Variants in CAMK1D observed in about 807,000 individuals in gnomAD.
The protein encoded by CAMK1D is calcium/calmodulin dependent protein kinase ID, also known as calcium/calmodulin-dependent protein kinase type 1D.
In CAMK1D, 9 loss-of-function variants were observed where a neutral mutation model predicts 47.7. That is an observed-to-expected ratio of 0.19 (90% CI 0.11 to 0.33). CAMK1D has a LOEUF of 0.33. CAMK1D is among the 10% of genes least tolerant of loss of function. The pLI is 1.00. For synonymous variants in CAMK1D, 184 were observed against 184.9 expected (o/e 0.99, Z 0.04); for missense variants, 291 against 488.7 (o/e 0.60, Z 3.81).
At chr10:12,779,811 A>G (rs1837413750) in intron 5 of CAMK1D, among the ~76,000 whole-genome samples, 1 of 152,166 alleles carries the variant, frequency 6.6e-6, no homozygotes, top group Non-Finnish European at 1.5e-5. Context: ...CCACAGCCAC[A>G]CTATTCCATT....
intron 1 of CAMK1D, among the ~76,000 whole-genome samples, chr10:12,441,691 A>G (rs1832789621): frequency 6.6e-6 from 1 of 152,064 alleles, no homozygotes; most frequent in African/African-American, 2.4e-5. Context: ...CATGCCTGTA[A>G]TCCCAGCTAC....
chr10:12,520,359 C>A lies in CAMK1D; in HGVS notation c.93-32866C>A, dbSNP rs536862414. 9.3e-5 allele frequency among the ~76,000 whole-genome samples: 9 copies of A among 97,198 alleles called. 2 individuals are homozygous for A. In the South Asian group the frequency reaches 4.6e-3, roughly 50 times the overall value. 63.8% of individuals were successfully genotyped at this position (97,198 alleles called of 152,430 possible). A position where few individuals can be genotyped will look rare whatever the true frequency, so the allele number is the denominator to read the frequency against. On this transcript the variant is annotated intron_variant, in intron 1 of 10. Coordinates refer to ENST00000619168, the MANE Select transcript of CAMK1D (RefSeq NM_153498.4). ...GGTCAGGCAGAGATGCTCCTCACTT[C>A]CTAGTTGGGATGGCGGCCGGGCAGA...
At chr10:12,710,936 A>G (rs2130752046) in intron 3 of CAMK1D, among the ~76,000 whole-genome samples, 1 of 152,308 alleles carries the variant, frequency 6.6e-6, no homozygotes, top group South Asian at 2.1e-4. Context: ...CAACTTGTTC[A>G]GACTATATAC....
At chr10:12,816,736 G>A (rs1014121901) in intron 8 of CAMK1D, among the ~76,000 whole-genome samples, 3 of 151,888 alleles carry the variant, frequency 2.0e-5, no homozygotes, top group Non-Finnish European at 4.4e-5. Context: ...GCTGGGCATG[G>A]TGGCGCGCGC....
intron 3 of CAMK1D, among the ~76,000 whole-genome samples, chr10:12,709,288 G>GA (rs1315353935): frequency 1.3e-5 from 2 of 151,758 alleles, no homozygotes; most frequent in African/African-American, 2.4e-5. Context: ...TCTTGGCTGA[G>GA]AAAATGTGAG....
intron 4 of CAMK1D, 46 bp downstream of exon 4, chr10:12,761,132 C>T (rs1247896141): frequency 6.3e-7 from 1 of 1,597,772 alleles, no homozygotes. Context: ...CTGCAGCCCG[C>T]AATGCACGCG....
chr10:12,615,926 ATG>A (rs751916210), intron 2 of CAMK1D, among the ~76,000 whole-genome samples: 2 of 149,392 alleles, frequency 1.3e-5, no homozygotes, highest in Admixed American at 6.7e-5. Context: ...AGGTGTGTGT[ATG>A]TGTGTTTGCA....
At chr10:12,538,830 G>T (rs564548098) in intron 1 of CAMK1D, among the ~76,000 whole-genome samples, 28 of 151,628 alleles carry the variant, frequency 1.8e-4, no homozygotes, top group African/African-American at 6.8e-4. Context: ...ATCTGAAGTG[G>T]TGGGGGAGGG....
chr10:12,594,660 G>A (rs950539430), intron 2 of CAMK1D, among the ~76,000 whole-genome samples: 6 of 152,192 alleles, frequency 3.9e-5, no homozygotes, highest in Non-Finnish European at 7.3e-5. Context: ...CATTTCCCAT[G>A]GTTGGAAAGT....
At chr10:12,606,527 C>T (rs892978501) in intron 2 of CAMK1D, among the ~76,000 whole-genome samples, 6 of 152,188 alleles carry the variant, frequency 3.9e-5, no homozygotes, top group African/African-American at 1.2e-4. Context: ...GATTTTAACT[C>T]GTGGTTTCCT....
At chr10:12,572,145 A>T (rs1471273487) in intron 2 of CAMK1D, among the ~76,000 whole-genome samples, 1 of 150,844 alleles carries the variant, frequency 6.6e-6, no homozygotes, top group Admixed American at 6.6e-5. Flanking sequence ...GAAGTGGAAG[A>T]CTCTTGATTT....
chr10:12,601,250 A>G (rs1159508600), intron 2 of CAMK1D, among the ~76,000 whole-genome samples: 1 of 149,512 alleles, frequency 6.7e-6, no homozygotes, highest in Non-Finnish European at 1.5e-5. Flanking sequence ...TTTTATTTAC[A>G]AGCATTCCAT....
At chr10:12,599,731 A>G (rs1838247111) in intron 2 of CAMK1D, among the ~76,000 whole-genome samples, 1 of 152,178 alleles carries the variant, frequency 6.6e-6, no homozygotes, top group Non-Finnish European at 1.5e-5. Flanking sequence ...TTTGGGTCAT[A>G]GTGCATCGGT....
At chr10:12,807,062 T>C (rs1838763867) in intron 6 of CAMK1D, among the ~76,000 whole-genome samples, 1 of 152,166 alleles carries the variant, frequency 6.6e-6, no homozygotes, top group African/African-American at 2.4e-5. Flanking sequence ...CTGTCCCGGT[T>C]TTCATGCATG....
At chr10:12,521,314 T>G (rs1207839368) in intron 1 of CAMK1D, among the ~76,000 whole-genome samples, 1 of 152,196 alleles carries the variant, frequency 6.6e-6, no homozygotes, top group Non-Finnish European at 1.5e-5. Flanking sequence ...TGTATTTTTA[T>G]TTCAGTTAAT....
At chr10:12,817,174 A>G (rs1435035146) in intron 8 of CAMK1D, among the ~76,000 whole-genome samples, 2 of 152,188 alleles carry the variant, frequency 1.3e-5, no homozygotes, top group Non-Finnish European at 2.9e-5. Flanking sequence ...CTCCCACAAC[A>G]CGTGGGAATT....
intron 3 of CAMK1D, among the ~76,000 whole-genome samples, chr10:12,720,148 C>T (rs979181278): frequency 6.6e-6 from 1 of 152,204 alleles, no homozygotes; most frequent in Non-Finnish European, 1.5e-5. Flanking sequence ...GGAGGGATGC[C>T]TTTGGAGGTG....
intron 3 of CAMK1D, among the ~76,000 whole-genome samples, chr10:12,723,422 C>T (rs376906076): frequency 9.9e-5 from 15 of 152,046 alleles, no homozygotes; most frequent in African/African-American, 3.6e-4. Context: ...TTCCCTGAAT[C>T]GTTTTTGGGG....
At chr10:12,586,159 G>C (rs1262156383) in intron 2 of CAMK1D, among the ~76,000 whole-genome samples, 2 of 152,136 alleles carry the variant, frequency 1.3e-5, no homozygotes, top group South Asian at 2.1e-4. Flanking sequence ...ACCAAACCTG[G>C]AGAAAGTCTT....
Sources: gnomAD v4.1 joint callset for allele counts (sites outside exome capture counted in the v4.1 genomes callset) on GRCh38, gnomAD v4.1.1 for gene constraint, MANE v1.5 for transcripts, NCBI Gene and HGNC (gene_info 2026-07-23, HGNC 2026-07-21) for gene names.